The following ITPR1 variants were observed in gnomAD, a reference collection of about 807,000 sequenced individuals.
The protein encoded by ITPR1 is inositol 1,4,5-trisphosphate-gated calcium channel ITPR1.
ITPR1 carries 96 observed loss-of-function variants against 318.4 expected under a neutral mutation model. The ratio of observed to expected loss-of-function variants is 0.30; its 90% CI spans 0.26 to 0.36. The LOEUF is 0.36. ITPR1 is among the 10% of genes least tolerant of loss of function. ITPR1 has a pLI of 1.00. For missense variants in ITPR1, 2,440 were observed against 3,460.2 expected (o/e 0.71, Z 7.40); for synonymous variants, 1,312 against 1,289.9 (o/e 1.02, Z -0.37).
chr3:4,502,100 C>T (rs973470765), intron 2 of ITPR1, among the ~76,000 whole-genome samples: 3 of 152,184 alleles, frequency 2.0e-5, no homozygotes, highest in Non-Finnish European at 4.4e-5. Context: ...AAAGCTGATA[C>T]GACACCCAGA....
chr3:4,583,337 A>G (rs2125054937), intron 4 of ITPR1, among the ~76,000 whole-genome samples: 1 of 152,236 alleles, frequency 6.6e-6, no homozygotes, highest in Non-Finnish European at 1.5e-5. Context: ...GCGTTTTTTC[A>G]CTAACTTTTT....
At chr3:4,777,552 C>T (rs1019358128) in intron 48 of ITPR1, among the ~76,000 whole-genome samples, 178 bp downstream of exon 48, 18 of 152,196 alleles carry the variant, frequency 1.2e-4, no homozygotes, top group East Asian at 1.9e-4. Context: ...TTCTCTTCCA[C>T]GTAAGGTATC....
chr3:4,772,738 G>A (rs2046261415), intron 46 of ITPR1, among the ~76,000 whole-genome samples: 1 of 152,218 alleles, frequency 6.6e-6, no homozygotes, highest in Non-Finnish European at 1.5e-5. Flanking sequence ...CATGCTGAAG[G>A]GGAGTTCTCT....
At chr3:4,663,723 T>G (rs985699198) in intron 16 of ITPR1, among the ~76,000 whole-genome samples, 2 of 152,244 alleles carry the variant, frequency 1.3e-5, no homozygotes, top group African/African-American at 4.8e-5. Flanking sequence ...TGGGTTTTGA[T>G]AAATGTATGA....
At chr3:4,756,123 CTT>C (rs2044956366) in intron 44 of ITPR1, among the ~76,000 whole-genome samples, 1 of 152,174 alleles carries the variant, frequency 6.6e-6, no homozygotes, top group Non-Finnish European at 1.5e-5. Flanking sequence ...ATAGGTCAGA[CTT>C]TTGCTGAAGT....
intron 4 of ITPR1, among the ~76,000 whole-genome samples, chr3:4,616,871 C>T (rs1283624002): frequency 1.3e-5 from 2 of 152,104 alleles, no homozygotes; most frequent in East Asian, 1.9e-4. Context: ...TTGTCTGCAT[C>T]ATGGTGGGGT....
Position 4,647,711 on chromosome 3 carries a change from A to G in ITPR1, c.855+1983A>G, listed in dbSNP as rs2093492144. ...TTTGATTTAGTAGGTGTGTAGTGAA[A>G]TTTCATTGTGGGTTTGGTTAACGAT... On this transcript the variant is annotated intron_variant, in intron 10 of 61. Coordinates refer to ENST00000649015, the MANE Select transcript of ITPR1 (RefSeq NM_001378452.1). 2.6e-5 allele frequency among the ~76,000 whole-genome samples: 4 copies of G among 152,124 alleles called. 1 individual carries two copies. The South Asian group carries it at 8.3e-4, about 32-fold the overall frequency.
intron 5 of ITPR1, among the ~76,000 whole-genome samples, chr3:4,631,414 C>T (rs191039324): frequency 6.6e-5 from 10 of 152,206 alleles, no homozygotes; most frequent in Non-Finnish European, 1.2e-4. Context: ...ATGTATGTTA[C>T]TATTCCCCAT....
chr3:4,658,107 T>C lies in ITPR1; in HGVS notation c.997-17T>C. On this transcript the variant is annotated splice_polypyrimidine_tract_variant and intron_variant, in intron 12 of 61. Coordinates refer to ENST00000649015, the MANE Select transcript of ITPR1 (RefSeq NM_001378452.1). ...TTGGCATGCATGGTTCTTGATTTGG[T>C]GACTTTACCTCCTCAGGTGGACCCT... The C allele has an allele frequency of 6.3e-7, 1 of 1,595,776 alleles. No homozygotes were observed. The highest frequency in any genetic ancestry group is 8.6e-7 in the Non-Finnish European group (1 of 1,167,768).
chr3:4,588,420 T>C (rs897088999), intron 4 of ITPR1, among the ~76,000 whole-genome samples: 8 of 152,244 alleles, frequency 5.3e-5, no homozygotes, highest in African/African-American at 1.9e-4. Flanking sequence ...AAAGCAGCTG[T>C]GAAGTCATTT....
At chr3:4,567,205 A>C (rs1348458817) in intron 4 of ITPR1, among the ~76,000 whole-genome samples, 2 of 152,204 alleles carry the variant, frequency 1.3e-5, no homozygotes, top group Admixed American at 6.5e-5. Context: ...TCTCCCCTTC[A>C]ATTCTTACCT....
intron 44 of ITPR1, chr3:4,750,948 A>G (rs1375679273): frequency 6.6e-6 from 1 of 152,504 alleles, no homozygotes; most frequent in African/African-American, 2.4e-5. Flanking sequence ...TTTATTACCA[A>G]TCCCTCCATG....
At chr3:4,604,581 G>T (rs956245395) in intron 4 of ITPR1, among the ~76,000 whole-genome samples, 5 of 152,112 alleles carry the variant, frequency 3.3e-5, no homozygotes, top group African/African-American at 1.2e-4. Context: ...AGCTAATTTG[G>T]CATCAGTTTG....
chr3:4,562,608 C>G (rs1272527829), intron 4 of ITPR1, among the ~76,000 whole-genome samples: 3 of 151,976 alleles, frequency 2.0e-5, no homozygotes, highest in Non-Finnish European at 1.5e-5. Flanking sequence ...TTTGCCAACC[C>G]TGTATGTTGA....
chr3:4,794,947 TA>T, intron 52 of ITPR1, 117 bp from the exon 53 acceptor site: 1 of 1,149,070 alleles, frequency 8.7e-7, no homozygotes, highest in Non-Finnish European at 1.2e-6. Context: ...ACTCTTGTGG[TA>T]AAAACCGGGA....
intron 4 of ITPR1, among the ~76,000 whole-genome samples, chr3:4,571,453 G>A (rs889620115): frequency 6.6e-6 from 1 of 151,936 alleles, no homozygotes; most frequent in Non-Finnish European, 1.5e-5. Flanking sequence ...CAATCCTCCC[G>A]TCAGTCTCCC....
At chr3:4,635,392 G>T (rs1239046434) in intron 5 of ITPR1, among the ~76,000 whole-genome samples, 1 of 152,114 alleles carries the variant, frequency 6.6e-6, no homozygotes, top group Non-Finnish European at 1.5e-5. Flanking sequence ...CCAGGCTGCA[G>T]TGCAGTGGCA....
chr3:4,697,334 G>GTA, intron 34 of ITPR1, 62 bp downstream of exon 34: 1 of 1,390,294 alleles, frequency 7.2e-7, no homozygotes, highest in Non-Finnish European at 9.8e-7. Context: ...GTGTGTGTGT[G>GTA]TGTGTGTGTG....
At position 4,811,260 on chromosome 3, in the gene ITPR1, C is replaced by T; in HGVS notation, c.7273-5C>T. 1 of 1,542,508 alleles carries T rather than the reference C, an allele frequency of 6.5e-7. No homozygotes were observed. Among genetic ancestry groups the T allele is most frequent in the Non-Finnish European group, 8.7e-7 (1 of 1,145,934 alleles). On this transcript the variant is annotated splice_polypyrimidine_tract_variant and splice_region_variant and intron_variant, in intron 55 of 61. Transcript: ENST00000649015. ...TCTTAAAATTCTTTTTGTTTGTTTT[C>T]AAAGCTTTTTGATTTAGTGTACAGA...
Sources: gnomAD v4.1 joint callset for allele counts (sites outside exome capture counted in the v4.1 genomes callset) on GRCh38, gnomAD v4.1.1 for gene constraint, MANE v1.5 for transcripts, NCBI Gene and HGNC (gene_info 2026-07-23, HGNC 2026-07-21) for gene names.